Variants in FGF14 observed in about 807,000 individuals in gnomAD.
FGF14 encodes fibroblast growth factor 14.
Under a neutral mutation model 25.5 loss-of-function variants are expected in FGF14, and 5 were observed. The ratio of observed to expected loss-of-function variants is 0.20; its 90% CI spans 0.10 to 0.41. The LOEUF (loss-of-function observed/expected upper bound fraction) is 0.41. Ranked by LOEUF, FGF14 falls within the 10% of genes least tolerant of loss-of-function variation. The pLI is 1.00. For missense variants in FGF14, 222 were observed against 320.1 expected (o/e 0.69, Z 2.34); for synonymous variants, 138 against 118.3 (o/e 1.17, Z -1.08).
At chr13:102,077,275 CA>C (rs1182345102) in intron 1 of FGF14, among the ~76,000 whole-genome samples, 1 of 151,906 alleles carries the variant, frequency 6.6e-6, no homozygotes, top group Non-Finnish European at 1.5e-5. Context: ...GCACAGGCAA[CA>C]AAAACAAAAG....
At chr13:102,064,961 TA>T (rs2042841402) in intron 1 of FGF14, among the ~76,000 whole-genome samples, 1 of 151,978 alleles carries the variant, frequency 6.6e-6, no homozygotes, top group Non-Finnish European at 1.5e-5. Context: ...ATATGAATCC[TA>T]AAAAGAAAAT....
chr13:102,175,060 T>A (rs2048390183), intron 1 of FGF14, among the ~76,000 whole-genome samples: 1 of 152,172 alleles, frequency 6.6e-6, no homozygotes, highest in South Asian at 2.1e-4. Flanking sequence ...ACGATTTTTA[T>A]CAAATTACCA....
At chr13:102,364,614 T>C (rs2057657051) in intron 1 of FGF14, among the ~76,000 whole-genome samples, 1 of 152,204 alleles carries the variant, frequency 6.6e-6, no homozygotes, top group Non-Finnish European at 1.5e-5. Context: ...AATCCAACAA[T>C]ACTTACGAAG....
At chr13:102,057,964 T>A (rs1391374072) in intron 1 of FGF14, among the ~76,000 whole-genome samples, 3 of 152,210 alleles carry the variant, frequency 2.0e-5, no homozygotes, top group Non-Finnish European at 4.4e-5. Flanking sequence ...CCTCCACTGA[T>A]AATCACATTA....
At chr13:101,994,321 G>A (rs1282172767) in intron 1 of FGF14, among the ~76,000 whole-genome samples, 2 of 151,892 alleles carry the variant, frequency 1.3e-5, no homozygotes, top group Non-Finnish European at 2.9e-5. Context: ...ATTAATGTCA[G>A]TATATACCTA....
At chr13:101,993,831 TAA>T (rs1319791257) in intron 1 of FGF14, among the ~76,000 whole-genome samples, 1 of 151,928 alleles carries the variant, frequency 6.6e-6, no homozygotes, top group Non-Finnish European at 1.5e-5. Flanking sequence ...TGTGACGAGT[TAA>T]TGGGTGCAGC....
At chr13:102,251,703 T>G (rs1301814100) in intron 1 of FGF14, among the ~76,000 whole-genome samples, 1 of 152,146 alleles carries the variant, frequency 6.6e-6, no homozygotes, top group Admixed American at 6.6e-5. Context: ...GTTGGGGCAA[T>G]TGGAACCCAG....
chr13:101,737,776 C>G (rs1166076842), intron 3 of FGF14, among the ~76,000 whole-genome samples: 1 of 152,088 alleles, frequency 6.6e-6, no homozygotes, highest in Non-Finnish European at 1.5e-5. Context: ...CATGCATATA[C>G]AAGATTTTTC....
At chr13:102,382,682 C>A (rs1380481253) in intron 1 of FGF14, among the ~76,000 whole-genome samples, 1 of 152,044 alleles carries the variant, frequency 6.6e-6, no homozygotes, top group Non-Finnish European at 1.5e-5. Flanking sequence ...ATGTTCATAG[C>A]TGCATTATTT....
chr13:101,945,103 G>A (rs979990326), intron 1 of FGF14, among the ~76,000 whole-genome samples: 5 of 152,160 alleles, frequency 3.3e-5, no homozygotes, highest in Non-Finnish European at 5.9e-5. Flanking sequence ...TGGATCACCT[G>A]AGGTCAGGTG....
At chr13:102,242,123 A>C (rs1218131987) in intron 1 of FGF14, among the ~76,000 whole-genome samples, 1 of 152,122 alleles carries the variant, frequency 6.6e-6, no homozygotes, top group East Asian at 1.9e-4. Context: ...GCTAAAATAA[A>C]ATGAAATACA....
chr13:102,298,451 T>G (rs1357302533), intron 1 of FGF14, among the ~76,000 whole-genome samples: 1 of 152,202 alleles, frequency 6.6e-6, no homozygotes, highest in Non-Finnish European at 1.5e-5. Flanking sequence ...TGTGAATTTA[T>G]CTTTTCAATT....
At chr13:102,162,353 A>T (rs2047814629) in intron 1 of FGF14, among the ~76,000 whole-genome samples, 1 of 152,210 alleles carries the variant, frequency 6.6e-6, no homozygotes, top group Admixed American at 6.5e-5. Flanking sequence ...ATTTTTGGCA[A>T]AAGCGGCCAT....
intron 1 of FGF14, among the ~76,000 whole-genome samples, chr13:101,968,692 CTCAATA>C (rs1300753193): frequency 3.1e-5 from 4 of 130,888 alleles, no homozygotes; most frequent in Non-Finnish European, 6.6e-5. Flanking sequence ...AAAAAAAAAC[CTCAATA>C]TCAATATTTC....
rs763286217 is a variant in FGF14, at chr13:101,714,142, C to A, written c.*8689G>T. ...TATTTTTGAATACTTTTTTGGAAGA[C>A]CATCTATAAGAATCAACCCCATCCT... On this transcript the variant is annotated 3_prime_UTR_variant, in exon 5 of 5. Coordinates refer to ENST00000376143, the MANE Select transcript of FGF14 (RefSeq NM_004115.4). The A allele has an allele frequency of 2.9e-5, 8 of 278,884 alleles. No individual in the cohort carries two copies. The highest frequency in any genetic ancestry group is 5.1e-5 in the Admixed American group (1 of 19,776). The allele number at this position is 278,884 out of a possible 1,614,324, so 17.3% of individuals were successfully genotyped here. A position where few individuals can be genotyped will look rare whatever the true frequency, so the allele number is the denominator to read the frequency against.
At chr13:102,362,295 C>T (rs2057589308) in intron 1 of FGF14, among the ~76,000 whole-genome samples, 1 of 152,162 alleles carries the variant, frequency 6.6e-6, no homozygotes, top group African/African-American at 2.4e-5. Flanking sequence ...TCCTCCTCAC[C>T]CCTATTTTAT....
intron 3 of FGF14, among the ~76,000 whole-genome samples, chr13:101,780,135 C>T (rs1362693573): frequency 6.6e-6 from 1 of 151,862 alleles, no homozygotes; most frequent in Non-Finnish European, 1.5e-5. Context: ...GGTGGTGGTA[C>T]AATATTTACT....
chr13:101,868,269 A>G, intron 3 of FGF14: 1 of 188,824 alleles, frequency 5.3e-6, no homozygotes, highest in Non-Finnish European at 1.1e-5. Context: ...CAAAACACAG[A>G]GGCTTGCAAG....
At position 102,073,476 on chromosome 13, in the gene FGF14, G is replaced by C. The variant is rs2043232123; in HGVS notation, c.209-198180C>G. ...GATTTGTTCTGTTCCAGTGGTGCCA[G>C]CTAATAAAGCCCAACATTTATGTAT... is the stretch of plus-strand genomic sequence containing the variant. On this transcript the variant is annotated intron_variant, in intron 1 of 4. Transcript: ENST00000376131. 2.0e-5 allele frequency among the ~76,000 whole-genome samples: 3 copies of C among 152,152 alleles called. No homozygotes were observed. The South Asian group carries it at 6.2e-4, about 31-fold the overall frequency.
Sources: allele counts gnomAD v4.1 joint callset (sites outside exome capture counted in the v4.1 genomes callset), GRCh38; gene constraint gnomAD v4.1.1; transcripts MANE v1.5; gene names NCBI Gene and HGNC (gene_info 2026-07-23, HGNC 2026-07-21).